Variants in GRIN2A observed in about 807,000 individuals in gnomAD.
The protein encoded by GRIN2A is glutamate receptor ionotropic, NMDA 2A.
A neutral mutation model predicts 113.4 loss-of-function variants in GRIN2A; 22 were observed. The ratio of observed to expected loss-of-function variants is 0.19; its 90% confidence interval spans 0.14 to 0.28. GRIN2A has a LOEUF of 0.28. Ranked by LOEUF, GRIN2A falls within the 10% of genes least tolerant of loss-of-function variation. GRIN2A has a pLI of 1.00. For missense variants in GRIN2A, 1,502 were observed against 1,887.0 expected (o/e 0.80, Z 3.78); for synonymous variants, 827 against 738.4 (o/e 1.12, Z -1.94).
intron 2 of GRIN2A, among the ~76,000 whole-genome samples, chr16:10,050,959 T>C (rs928230173): frequency 4.6e-5 from 7 of 152,178 alleles, no homozygotes; most frequent in Admixed American, 2.0e-4. Context: ...AAGAAGTTCA[T>C]GGTAATTTGT....
In GRIN2A at chr16:9,758,234, G is replaced by C; in HGVS notation, c.*4915C>G. The C allele has an allele frequency of 4.5e-6, 1 of 222,264 alleles. No individual in the cohort carries two copies. The highest frequency in any genetic ancestry group is 9.0e-6 in the Non-Finnish European group (1 of 111,042). The allele number at this position is 222,264 out of a possible 1,614,324, so 13.8% of individuals were successfully genotyped here. A position where few individuals can be genotyped will look rare whatever the true frequency, so the allele number is the denominator to read the frequency against. On this transcript the variant is annotated 3_prime_UTR_variant, in exon 13 of 13. Transcript: ENST00000330684. ...CTGGGCACAGAAAGAGTGCAGGTGA[G>C]GAAAGAGGATAAGGAATTTAAATAG...
intron 2 of GRIN2A, among the ~76,000 whole-genome samples, chr16:9,959,142 T>C (rs1009548498): frequency 1.3e-5 from 2 of 152,184 alleles, no homozygotes; most frequent in African/African-American, 4.8e-5. Flanking sequence ...GTTTTCAGTG[T>C]TACAAGGACA....
At chr16:9,814,022 C>G (rs1475845571) in intron 10 of GRIN2A, among the ~76,000 whole-genome samples, 1 of 152,188 alleles carries the variant, frequency 6.6e-6, no homozygotes, top group Non-Finnish European at 1.5e-5. Flanking sequence ...TGCAGAGCAA[C>G]TGAACCTCAG....
intron 11 of GRIN2A, among the ~76,000 whole-genome samples, chr16:9,796,195 C>T (rs1902971965): frequency 6.6e-6 from 1 of 152,218 alleles, no homozygotes; most frequent in Non-Finnish European, 1.5e-5. Context: ...TTAGAACTCA[C>T]TTATTTGACA....
At chr16:9,984,024 T>C (rs2141787245) in intron 2 of GRIN2A, among the ~76,000 whole-genome samples, 1 of 152,354 alleles carries the variant, frequency 6.6e-6, no homozygotes, top group Middle Eastern at 3.4e-3. Flanking sequence ...CAGCAATGTA[T>C]ACTAGTTCTC....
At chr16:9,983,867 G>A (rs2045935158) in intron 2 of GRIN2A, among the ~76,000 whole-genome samples, 1 of 152,224 alleles carries the variant, frequency 6.6e-6, no homozygotes, top group Non-Finnish European at 1.5e-5. Context: ...AAACATGGCA[G>A]TGGGTAAAGA....
chr16:10,050,515 T>C (rs1039819351), intron 2 of GRIN2A, among the ~76,000 whole-genome samples: 25 of 152,074 alleles, frequency 1.6e-4, no homozygotes, highest in African/African-American at 5.8e-4. Context: ...CTAGATGGCA[T>C]GCTCCTTATG....
intron 2 of GRIN2A, among the ~76,000 whole-genome samples, chr16:10,117,347 G>C (rs995217952): frequency 6.6e-6 from 1 of 152,176 alleles, no homozygotes; most frequent in Non-Finnish European, 1.5e-5. Flanking sequence ...GAAATGATAG[G>C]ATGTTGGGAA....
At chr16:10,046,328 G>T (rs200152313) in intron 2 of GRIN2A, among the ~76,000 whole-genome samples, 2 of 145,800 alleles carry the variant, frequency 1.4e-5, no homozygotes, top group South Asian at 2.2e-4. Context: ...TTTTTAAATT[G>T]TTTTTTTTTT....
chr16:9,800,863 C>T (rs1443650355), intron 10 of GRIN2A, among the ~76,000 whole-genome samples: 5 of 152,112 alleles, frequency 3.3e-5, no homozygotes, highest in Non-Finnish European at 5.9e-5. Flanking sequence ...GAACAGCCAG[C>T]AATAGTGAGA....
At chr16:10,126,346 TG>T (rs2048935795) in intron 2 of GRIN2A, among the ~76,000 whole-genome samples, 1 of 151,778 alleles carries the variant, frequency 6.6e-6, no homozygotes, top group African/African-American at 2.4e-5. Flanking sequence ...AATTATTTTT[TG>T]TAGAGAGGGG....
chr16:9,917,773 G>C (rs1210693763), intron 3 of GRIN2A, among the ~76,000 whole-genome samples: 1 of 152,136 alleles, frequency 6.6e-6, no homozygotes, highest in East Asian at 1.9e-4. Context: ...GTTTACACCA[G>C]TACTCGTGCG....
chr16:10,048,604 C>T (rs886659580), intron 2 of GRIN2A, among the ~76,000 whole-genome samples: 2 of 152,094 alleles, frequency 1.3e-5, no homozygotes, highest in African/African-American at 4.8e-5. Flanking sequence ...TCTCTCCTGG[C>T]CTGGGAAGAA....
intron 4 of GRIN2A, among the ~76,000 whole-genome samples, chr16:9,850,273 G>A (rs1451278383): frequency 6.6e-6 from 1 of 152,130 alleles, no homozygotes; most frequent in Non-Finnish European, 1.5e-5. Flanking sequence ...GACCACGGAT[G>A]GCAAGGAAAC....
chr16:10,041,853 G>C (rs1336620912), intron 2 of GRIN2A, among the ~76,000 whole-genome samples: 1 of 152,138 alleles, frequency 6.6e-6, no homozygotes, highest in African/African-American at 2.4e-5. Context: ...ATGCTAATTG[G>C]AAGTAAACCA....
chr16:10,143,820 G>C (rs996208543), intron 2 of GRIN2A, among the ~76,000 whole-genome samples: 13 of 152,152 alleles, frequency 8.5e-5, no homozygotes, highest in Admixed American at 2.6e-4. Context: ...ACAAAAATGA[G>C]CCAGGCATGG....
chr16:10,067,367 C>T (rs2047669612), intron 2 of GRIN2A, among the ~76,000 whole-genome samples: 1 of 151,982 alleles, frequency 6.6e-6, no homozygotes, highest in South Asian at 2.1e-4. Context: ...AGTTATCTCC[C>T]CGTAAACATA....
At chr16:10,164,283 A>T (rs1478953609) in intron 2 of GRIN2A, among the ~76,000 whole-genome samples, 1 of 152,252 alleles carries the variant, frequency 6.6e-6, no homozygotes, top group Non-Finnish European at 1.5e-5. Flanking sequence ...TGGTGTCTGT[A>T]AGTGGCACGG....
At chr16:10,130,150 C>G (rs1183226735) in intron 2 of GRIN2A, among the ~76,000 whole-genome samples, 2 of 152,194 alleles carry the variant, frequency 1.3e-5, no homozygotes, top group African/African-American at 4.8e-5. Context: ...AGCCAAGAGA[C>G]TCATTCAAGG....
Sources: allele counts gnomAD v4.1 joint callset (sites outside exome capture counted in the v4.1 genomes callset), GRCh38; gene constraint gnomAD v4.1.1; transcripts MANE v1.5; gene names NCBI Gene and HGNC (gene_info 2026-07-23, HGNC 2026-07-21).